Variants in NCOA5 observed in about 807,000 individuals in gnomAD.
The protein encoded by NCOA5 is NCoA-5.
Under a neutral mutation model 59.0 loss-of-function variants are expected in NCOA5, and 12 were observed. The observed-to-expected ratio is 0.20, with a 90% CI of 0.13 to 0.33. The LOEUF is 0.33. Ranked by LOEUF, NCOA5 falls within the 10% of genes least tolerant of loss-of-function variation. NCOA5 has a pLI of 1.00. For synonymous variants in NCOA5, 270 were observed against 275.5 expected (o/e 0.98, Z 0.20); for missense variants, 655 against 766.6 (o/e 0.85, Z 1.72).
At chr20:46,069,047 T>C (rs923784373) in intron 3 of NCOA5, among the ~76,000 whole-genome samples, 11 of 151,998 alleles carry the variant, frequency 7.2e-5, no homozygotes, top group African/African-American at 2.7e-4. Flanking sequence ...GCTCAGGCAA[T>C]CCAATCCGCC....
intron 6 of NCOA5, among the ~76,000 whole-genome samples, chr20:46,064,039 A>T (rs556811667): frequency 1.3e-5 from 2 of 152,358 alleles, no homozygotes; most frequent in South Asian, 4.1e-4. Context: ...CAGCAGCAGG[A>T]GGCCAACAGG....
chr20:46,073,995 A>G (rs1046931561), intron 2 of NCOA5, among the ~76,000 whole-genome samples: 4 of 152,222 alleles, frequency 2.6e-5, no homozygotes, highest in Non-Finnish European at 5.9e-5. Flanking sequence ...AAGAGGTGAT[A>G]TTCACAAAAG....
At position 46,070,295 on chromosome 20, in the gene NCOA5, T is replaced by C. The variant is rs761260883; in HGVS notation, c.280A>G (p.Arg94Gly). 1 of 1,613,976 alleles carries C rather than the reference T, an allele frequency of 6.2e-7. No individual in the cohort carries two copies. The highest frequency in any genetic ancestry group is 8.5e-7 in the Non-Finnish European group (1 of 1,179,978). The change falls in exon 3 of 8, where the codon AGA (arginine) becomes GGA (glycine). Residue 94 changes from arginine (R) to glycine (G), a missense_variant. Around this residue, in one of 3 missense-constraint regions of NCOA5, gnomAD observed 250 missense variants for 260.1 expected, o/e 0.96. Transcript: ENST00000290231. ...TGATCTCGAAAATCCCTAGAGTCTC[T>C]TAGATCACGAAAGTCTCTAAGATCC... is the stretch of plus-strand genomic sequence containing the variant. ...VRDLRDFRDL[R>G]DSRDFRDQRD...
rs772065333 is a variant in NCOA5 at position 46,061,093 on chromosome 20, A to G, written c.*1207T>C. 1 of 151,698 alleles carries G rather than the reference A, an allele frequency of 6.6e-6. No homozygotes were observed. Among genetic ancestry groups the G allele is most frequent in the African/African-American group, 2.4e-5 (1 of 40,984 alleles). The allele number at this position is 151,698 out of a possible 1,614,324, so 9.4% of individuals were successfully genotyped here. On this transcript the variant is annotated 3_prime_UTR_variant, in exon 8 of 8. Transcript: ENST00000290231. ...CTATATAACACAAACAGGTCAGAAC[A>G]TAAAATGCTGCCATTTGGGGACCTT...
chr20:46,076,111 T>C (rs1012318963), intron 2 of NCOA5, among the ~76,000 whole-genome samples: 1 of 152,238 alleles, frequency 6.6e-6, no homozygotes, highest in Non-Finnish European at 1.5e-5. Context: ...AGTATGCTTA[T>C]ACCAATATTC....
Position 46,068,505 on chromosome 20 carries a change from T to G in NCOA5, c.499A>C (p.Lys167Gln). 1 of 1,610,052 alleles carries G rather than the reference T, an allele frequency of 6.2e-7. No individual in the cohort carries two copies. The highest frequency in any genetic ancestry group is 8.5e-7 in the Non-Finnish European group (1 of 1,178,752). Residue 167 changes from lysine (K) to glutamine (Q), a missense_variant, in exon 4 of 8, where the codon AAA (lysine) becomes CAA (glutamine). Physicochemically the swap from Lys to Gln is moderately conservative, Grantham distance 53. This residue lies in a region of NCOA5 where 250 missense variants were observed against 260.1 expected (regional missense o/e 0.96). Transcript: ENST00000290231. ...PPGPESQSRA[K>Q]ERLKREERRR... ...TAGACTGTTTCAGCTACTTTACCTT[T>G]TGCACGAGACTGACTTTCTGGGCCT...
Position 46,065,156 on chromosome 20 carries a change from T to A in NCOA5, c.702A>T (p.Thr234=), listed in dbSNP as rs369442369. ...GMVVDLIFLN[T]EVSLSQALED... is the part of the protein sequence containing the mutation. ...CCAAGGCTTGTGACAGTGACACTTC[T>A]GTGTTAAGGAAGATCAAGTCCACTA... The change falls in exon 6 of 8, where the codon ACA becomes ACT. Residue 234 remains threonine, a synonymous_variant. Coordinates refer to ENST00000290231, the MANE Select transcript of NCOA5 (RefSeq NM_020967.3). 368 of 1,614,100 alleles carry A rather than the reference T, an allele frequency of 2.3e-4. No individual in the cohort carries two copies. Among genetic ancestry groups the A allele is most frequent in the Non-Finnish European group, 3.0e-4 (354 of 1,180,038 alleles).
At position 46,070,411 on chromosome 20, in the gene NCOA5, C is replaced by T. The variant is rs756404632; in HGVS notation, c.164G>A (p.Arg55Gln). ...GRDARDSRDI[R>Q]DPRDLRDHRH... ...GTGGTCCCGCAAGTCTCGGGGGTCT[C>T]GAATGTCTCTGCTGTCCCGGGCATC... The change falls in exon 3 of 8, where the codon CGA (arginine) becomes CAA (glutamine). Residue 55 changes from arginine to glutamine, a missense_variant. Arg to Gln is a conservative substitution (Grantham distance 43). Coordinates refer to ENST00000290231, the MANE Select transcript of NCOA5 (RefSeq NM_020967.3). 8 of 1,613,908 alleles carry T rather than the reference C, an allele frequency of 5.0e-6. No individual in the cohort carries two copies. The highest frequency in any genetic ancestry group is 2.2e-5 in the East Asian group (1 of 44,868).
In NCOA5 at chr20:46,065,033, C is replaced by A. The variant is rs535789165; in HGVS notation, c.825G>T (p.Pro275=). 6.2e-6 allele frequency: 10 copies of A among 1,614,100 alleles called. No individual in the cohort carries two copies. In the East Asian group the frequency reaches 6.7e-5, roughly 11 times the overall value. ...SCTVNIMFGT[P]QEHRNMPQAD... is the part of the protein sequence containing the mutation. Reference sequence around the variant, plus strand: ...TCCGGTATTCTGACTCTGTACCTTGCGGGGTTCCAAACATGATGTTGACTG... The same window carrying A: ...TCCGGTATTCTGACTCTGTACCTTGAGGGGTTCCAAACATGATGTTGACTG... The change falls in exon 6 of 8, where the codon CCG becomes CCT. Residue 275 remains proline (P), a synonymous_variant. Coordinates refer to ENST00000290231, the MANE Select transcript of NCOA5 (RefSeq NM_020967.3).
chr20:46,074,769 G>A (rs1045158003), intron 2 of NCOA5, among the ~76,000 whole-genome samples: 2 of 152,196 alleles, frequency 1.3e-5, no homozygotes, highest in South Asian at 4.1e-4. Flanking sequence ...ACTGATAGAT[G>A]ATCATCTTGG....
chr20:46,062,932 C>T, intron 7 of NCOA5, 43 bp from the exon 8 acceptor site: 1 of 1,484,768 alleles, frequency 6.7e-7, no homozygotes, highest in Non-Finnish European at 9.0e-7. Flanking sequence ...AAGTACCCCC[C>T]AAGGGCAGGA....
At chr20:46,075,508 C>T (rs1199557353) in intron 2 of NCOA5, among the ~76,000 whole-genome samples, 2 of 152,184 alleles carry the variant, frequency 1.3e-5, no homozygotes, top group African/African-American at 4.8e-5. Context: ...TGACTTTCAC[C>T]AAAGAGATAC....
intron 3 of NCOA5, among the ~76,000 whole-genome samples, chr20:46,069,247 G>T (rs2084856402): frequency 6.6e-6 from 1 of 152,132 alleles, no homozygotes; most frequent in South Asian, 2.1e-4. Context: ...CCAGCCACTG[G>T]TAATCTTTAA....
chr20:46,067,180 C>T lies in NCOA5; in HGVS notation c.504G>A (p.Glu168=). Residue 168 remains glutamate (E), a splice_region_variant and synonymous_variant, in exon 5 of 8, where the codon GAG becomes GAA. Coordinates refer to ENST00000290231, the MANE Select transcript of NCOA5 (RefSeq NM_020967.3). The stretch of plus-strand genomic sequence containing the variant: ...TACGCCGTTCCTCACGTTTCAAACG[C>T]TCTGCAAAACACCACCAGGGTAAAC... ...PGPESQSRAK[E]RLKREERRRE... is the part of the protein sequence containing the mutation. The T allele has an allele frequency of 6.2e-7, 1 of 1,611,856 alleles. No homozygotes were observed.
At chr20:46,070,185 A>G in intron 3 of NCOA5, 25 bp downstream of exon 3, 1 of 1,575,680 alleles carries the variant, frequency 6.3e-7, no homozygotes, top group Middle Eastern at 1.7e-4. Flanking sequence ...TCAGGAAAAA[A>G]CAAGCAGAGT....
intron 3 of NCOA5, 36 bp from the exon 4 acceptor site, chr20:46,068,674 TG>T: frequency 6.3e-7 from 1 of 1,596,834 alleles, no homozygotes; most frequent in Non-Finnish European, 8.5e-7. Flanking sequence ...AAGATAAAAC[TG>T]TGTCTTATCC....
At chr20:46,067,284 G>A (rs1450537062) in intron 4 of NCOA5, 103 bp from the exon 5 acceptor site, 1 of 1,327,564 alleles carries the variant, frequency 7.5e-7, no homozygotes, top group Non-Finnish European at 1.0e-6. Flanking sequence ...TCAATCCTCT[G>A]GTCTATCTCC....
In NCOA5 at chr20:46,070,434, A is replaced by G; in HGVS notation, c.141T>C (p.Asp47=). The G allele has an allele frequency of 6.2e-7, 1 of 1,613,794 alleles. No homozygotes were observed. ...REPRDGRNGR[D]ARDSRDIRDP... is the part of the protein sequence containing the mutation. ...CTCGAATGTCTCTGCTGTCCCGGGC[A>G]TCCCGGCCATTTCTGCCATCCCTGG... Residue 47 remains aspartate (D), a synonymous_variant, in exon 3 of 8, where the codon GAT becomes GAC. Coordinates refer to ENST00000290231, the MANE Select transcript of NCOA5 (RefSeq NM_020967.3).
chr20:46,089,752 C>T (rs1430660627), intron 1 of NCOA5, 65 bp downstream of exon 1: 3 of 152,050 alleles, frequency 2.0e-5, no homozygotes, highest in African/African-American at 7.2e-5. Context: ...CCGGCCAGGC[C>T]CCCCACAACG....
Sources: gnomAD v4.1 joint callset for allele counts (sites outside exome capture counted in the v4.1 genomes callset) on GRCh38, gnomAD v4.1.1 for gene constraint, gnomAD v4.1.1 regional missense constraint, MANE v1.5 for transcripts, NCBI Gene and HGNC (gene_info 2026-07-23, HGNC 2026-07-21) for gene names.